The following TGFBR3 variants were observed in gnomAD, a reference collection of about 807,000 sequenced individuals.
The protein encoded by TGFBR3 is transforming growth factor beta receptor 3.
In TGFBR3, 46 loss-of-function variants were observed where a neutral mutation model predicts 87.9. That is an observed-to-expected ratio of 0.52 (90% confidence interval 0.41 to 0.67). The LOEUF (loss-of-function observed/expected upper bound fraction) is 0.67. Ranked by LOEUF, TGFBR3 falls within the 30% of genes least tolerant of loss-of-function variation. The pLI is 0.00. For synonymous variants in TGFBR3, 381 were observed against 391.6 expected (o/e 0.97, Z 0.32); for missense variants, 866 against 1,041.9 (o/e 0.83, Z 2.32).
chr1:91,686,871 A>G (rs529939919), intron 16 of TGFBR3, among the ~76,000 whole-genome samples: 1 of 152,352 alleles, frequency 6.6e-6, no homozygotes, highest in South Asian at 2.1e-4. Context: ...TAAGCAGACT[A>G]GGCCCAATTA....
At chr1:91,742,067 C>G (rs1301874090) in intron 4 of TGFBR3, among the ~76,000 whole-genome samples, 1 of 152,174 alleles carries the variant, frequency 6.6e-6, no homozygotes. Context: ...TTTTTACACC[C>G]TGCACCCTGC....
intron 2 of TGFBR3, among the ~76,000 whole-genome samples, chr1:91,800,780 C>T (rs1675593797): frequency 6.6e-6 from 1 of 151,894 alleles, no homozygotes. Flanking sequence ...GTTCAGCATA[C>T]AACGTAATAA....
At chr1:91,719,837 G>A (rs972720723) in intron 9 of TGFBR3, 56 bp downstream of exon 9, 69 of 1,581,274 alleles carry the variant, frequency 4.4e-5, no homozygotes, top group Non-Finnish European at 5.6e-5. Flanking sequence ...ATGCAGACTA[G>A]GGCCAGATGG....
chr1:91,701,096 G>C (rs753925809), intron 14 of TGFBR3, among the ~76,000 whole-genome samples: 1 of 152,084 alleles, frequency 6.6e-6, no homozygotes, highest in Non-Finnish European at 1.5e-5. Flanking sequence ...AAGTTTTATA[G>C]TAAGGCCTGT....
chr1:91,755,345 G>C (rs758871211), intron 4 of TGFBR3, among the ~76,000 whole-genome samples: 1 of 152,094 alleles, frequency 6.6e-6, no homozygotes, highest in Non-Finnish European at 1.5e-5. Context: ...GGCCCAGCTT[G>C]TGCAAGGACT....
intron 14 of TGFBR3, among the ~76,000 whole-genome samples, chr1:91,704,722 G>A (rs1311585522): frequency 6.6e-6 from 1 of 152,176 alleles, no homozygotes; most frequent in Admixed American, 6.5e-5. Flanking sequence ...AATTTAAATG[G>A]TAAAAGAACG....
At position 91,808,272 on chromosome 1, in the gene TGFBR3, T is replaced by A. The variant is rs188218039; in HGVS notation, c.62-10801A>T. ...CCAGACCCCCATCTCTTTAAAAAAATTTTTTTAATTAAATTAAACTATGCA... is the reference window on the plus strand; with the variant it reads ...CCAGACCCCCATCTCTTTAAAAAAAATTTTTTAATTAAATTAAACTATGCA... On this transcript the variant is annotated intron_variant, in intron 2 of 16. Transcript: ENST00000212355. Among the ~76,000 whole-genome samples, 942 of 152,178 alleles carry A rather than the reference T, an allele frequency of 6.2e-3. 14 individuals carry two copies. Among genetic ancestry groups the A allele is most frequent in the African/African-American group, 0.021 (876 of 41,496 alleles).
chr1:91,706,456 C>A (rs536245067), intron 14 of TGFBR3, among the ~76,000 whole-genome samples: 2 of 152,316 alleles, frequency 1.3e-5, no homozygotes, highest in Non-Finnish European at 2.9e-5. Flanking sequence ...GACACTCTCA[C>A]CAGCACCATG....
chr1:91,880,569 C>T (rs1267773170), intron 1 of TGFBR3, among the ~76,000 whole-genome samples: 1 of 151,752 alleles, frequency 6.6e-6, no homozygotes, highest in Non-Finnish European at 1.5e-5. Flanking sequence ...CTGCACTCCA[C>T]CCTGGGTGAC....
intron 2 of TGFBR3, among the ~76,000 whole-genome samples, chr1:91,799,425 C>T (rs1675517529): frequency 6.6e-6 from 1 of 152,208 alleles, no homozygotes; most frequent in African/African-American, 2.4e-5. Flanking sequence ...ACCATATGGG[C>T]AGGTGCTCCC....
chr1:91,858,420 G>GC (rs1678044046), intron 2 of TGFBR3, among the ~76,000 whole-genome samples: 1 of 151,892 alleles, frequency 6.6e-6, no homozygotes, highest in Non-Finnish European at 1.5e-5. Flanking sequence ...TTCACGACCA[G>GC]CCTGGGCAAC....
intron 1 of TGFBR3, among the ~76,000 whole-genome samples, chr1:91,880,632 A>G (rs1199064445): frequency 1.3e-5 from 2 of 152,138 alleles, no homozygotes; most frequent in South Asian, 4.2e-4. Flanking sequence ...AATATAAGAA[A>G]AATGCTCCAG....
chr1:91,809,562 C>T (rs927679235), intron 2 of TGFBR3, among the ~76,000 whole-genome samples: 1 of 152,184 alleles, frequency 6.6e-6, no homozygotes, highest in Non-Finnish European at 1.5e-5. Flanking sequence ...GGAAAATCTG[C>T]AAACTTTTGG....
chr1:91,899,368 T>C (rs913892330), intron 2 of TGFBR3, among the ~76,000 whole-genome samples: 4 of 152,106 alleles, frequency 2.6e-5, no homozygotes, highest in Non-Finnish European at 5.9e-5. Flanking sequence ...TAGCCACGTA[T>C]GGTGGCGTGC....
At chr1:91,871,225 T>C (rs1300633545) in intron 1 of TGFBR3, among the ~76,000 whole-genome samples, 2 of 152,198 alleles carry the variant, frequency 1.3e-5, no homozygotes, top group African/African-American at 4.8e-5. Flanking sequence ...TAAGCCACTG[T>C]AGACATCAAC....
intron 5 of TGFBR3, 83 bp downstream of exon 5, chr1:91,734,693 C>A: frequency 3.3e-6 from 5 of 1,536,152 alleles, no homozygotes; most frequent in Non-Finnish European, 4.5e-6. Context: ...TTCTGTGATT[C>A]CTTGCCCTAA....
upstream of TGFBR3, among the ~76,000 whole-genome samples, chr1:91,888,913 G>A (rs184633998): frequency 3.2e-4 from 48 of 151,804 alleles, no homozygotes; most frequent in African/African-American, 9.7e-4. Flanking sequence ...ACAGAGTCTC[G>A]CTCTGCTGCC....
chr1:91,829,522 A>G (rs1399805704), intron 2 of TGFBR3, among the ~76,000 whole-genome samples: 1 of 152,198 alleles, frequency 6.6e-6, no homozygotes, highest in Non-Finnish European at 1.5e-5. Flanking sequence ...GTCCAGCCAT[A>G]GAATCATAGA....
rs17884575 is a variant in TGFBR3 at position 91,716,332 on chromosome 1, G to A, written c.1770C>T (p.Asn590=). ...PSSFQEQPHG[N]ITFNMELYNT... The stretch of plus-strand genomic sequence containing the variant: ...TGTATAGCTCCATGTTGAAGGTGAT[G>A]TTTCCGTGGGGCTGTTCCTGGAAGC... Residue 590 remains asparagine (N), a synonymous_variant, in exon 12 of 17, where the codon AAC becomes AAT. Transcript: ENST00000212355. 759 of 1,614,184 alleles carry A rather than the reference G, an allele frequency of 4.7e-4. 1 individual carries two copies. The African/African-American group carries it at 8.5e-3, about 18-fold the overall frequency.
Sources: allele counts gnomAD v4.1 joint callset (sites outside exome capture counted in the v4.1 genomes callset), GRCh38; gene constraint gnomAD v4.1.1; transcripts MANE v1.5; gene names NCBI Gene and HGNC (gene_info 2026-07-23, HGNC 2026-07-21).